IFT88: variants seen among roughly 807,000 people sequenced by gnomAD.
The protein encoded by IFT88 is intraflagellar transport protein 88 homolog.
Under a neutral mutation model 119.5 loss-of-function variants are expected in IFT88, and 74 were observed. That is an observed-to-expected ratio of 0.62 (90% CI 0.51 to 0.75). IFT88 has a LOEUF of 0.75. Ranked by LOEUF, IFT88 falls within the 30% of genes least tolerant of loss-of-function variation. IFT88 has a pLI of 0.00. For missense variants in IFT88, 961 were observed against 977.7 expected (o/e 0.98, Z 0.23); for synonymous variants, 279 against 316.7 (o/e 0.88, Z 1.26).
At chr13:20,618,022 G>C (rs1012348155) in intron 14 of IFT88, among the ~76,000 whole-genome samples, 1 of 152,186 alleles carries the variant, frequency 6.6e-6, no homozygotes, top group Non-Finnish European at 1.5e-5. Flanking sequence ...CTGACCTCAA[G>C]TGATCTGTCC....
chr13:20,595,398 T>C (rs1258898156), intron 7 of IFT88, among the ~76,000 whole-genome samples: 1 of 152,026 alleles, frequency 6.6e-6, no homozygotes, highest in East Asian at 1.9e-4. Flanking sequence ...AGCAATATTC[T>C]CCTGCCTCAG....
intron 24 of IFT88, among the ~76,000 whole-genome samples, chr13:20,678,841 T>G (rs1308935030): frequency 1.3e-5 from 2 of 152,096 alleles, no homozygotes; most frequent in African/African-American, 4.8e-5. Flanking sequence ...CTCGCAAGAT[T>G]TGGGATCTGC....
intron 13 of IFT88, chr13:20,607,523 C>A: frequency 2.9e-6 from 2 of 694,848 alleles, no homozygotes; most frequent in South Asian, 1.5e-5. Context: ...GGGAGGCCGC[C>A]ACGCTGTGCT....
chr13:20,599,555 A>T lies in IFT88; in HGVS notation c.802A>T (p.Lys268Ter). 7.0e-7 allele frequency: 1 copy of T among 1,435,752 alleles called. No homozygotes were observed. Among genetic ancestry groups the T allele is most frequent in the Non-Finnish European group, 9.7e-7 (1 of 1,034,568 alleles). The allele number at this position is 1,435,752 out of a possible 1,614,324, so 88.9% of individuals were successfully genotyped here. A position where few individuals can be genotyped will look rare whatever the true frequency, so the allele number is the denominator to read the frequency against. ...ATTAGACCAAGTTCCAAGTGTCAAT[A>T]AGCAAATGAGGTAAGTTTATAACAA... is the stretch of plus-strand genomic sequence containing the variant. Reference protein sequence around the residue: ...MALDQVPSVNKQMRIKIMQNI... With the variant: ...MALDQVPSVN The change falls in exon 11 of 26, where the codon AAG (lysine) becomes TAG (stop). Residue 268 changes from lysine (K) to a stop codon, truncating the protein, a stop_gained. Transcript: ENST00000351808. LOFTEE classifies it high-confidence loss of function.
At chr13:20,683,656 C>T (rs77732143) in intron 24 of IFT88, among the ~76,000 whole-genome samples, 6,547 of 152,262 alleles carry the variant, frequency 0.043, 185 homozygotes, top group Middle Eastern at 0.075. Context: ...AATGTCCGCT[C>T]CTGTATCTAC....
At chr13:20,619,144 A>C (rs2046115245) in intron 14 of IFT88, among the ~76,000 whole-genome samples, 1 of 151,996 alleles carries the variant, frequency 6.6e-6, no homozygotes, top group South Asian at 2.1e-4. Flanking sequence ...ATTATTTTTA[A>C]CCTTTTTTCT....
intron 24 of IFT88, among the ~76,000 whole-genome samples, chr13:20,675,830 T>A (rs1027255745): frequency 6.6e-6 from 1 of 152,252 alleles, no homozygotes; most frequent in Non-Finnish European, 1.5e-5. Context: ...TTTTAAAATG[T>A]ACAAATCATT....
intron 23 of IFT88, among the ~76,000 whole-genome samples, chr13:20,664,295 A>G (rs935935495): frequency 2.6e-5 from 4 of 152,234 alleles, no homozygotes; most frequent in Non-Finnish European, 5.9e-5. Context: ...ATGATTTTTC[A>G]GAGAAACTAG....
At chr13:20,666,170 G>A (rs1227968638) in intron 23 of IFT88, among the ~76,000 whole-genome samples, 1 of 152,180 alleles carries the variant, frequency 6.6e-6, no homozygotes, top group Non-Finnish European at 1.5e-5. Context: ...GGTCAACCGT[G>A]TGATCTGGAA....
chr13:20,593,444 T>G (rs959725053), intron 7 of IFT88, among the ~76,000 whole-genome samples: 1 of 151,806 alleles, frequency 6.6e-6, no homozygotes, highest in Admixed American at 6.6e-5. Context: ...TTCCAGAGCT[T>G]GGGCTCTGGA....
chr13:20,594,676 C>G lies in IFT88; in HGVS notation c.399-1474C>G, dbSNP rs550892623. ...ATCTGTAAGCAACATTTAAGACATA[C>G]ATTCAAGTGTTTCAGACAACTAGAA... On this transcript the variant is annotated intron_variant, in intron 7 of 25. Transcript: ENST00000351808. Among the ~76,000 whole-genome samples the G allele has an allele frequency of 8.2e-4, 125 of 152,260 alleles. 1 individual carries two copies. The highest frequency in any genetic ancestry group is 3.0e-3 in the African/African-American group (123 of 41,546).
chr13:20,643,671 C>G, intron 19 of IFT88, 66 bp downstream of exon 19: 1 of 1,113,802 alleles, frequency 9.0e-7, no homozygotes, highest in Admixed American at 2.4e-5. Context: ...AAGAAGGCAG[C>G]AAGGCTTTAA....
intron 16 of IFT88, among the ~76,000 whole-genome samples, chr13:20,634,896 C>T (rs2048782355): frequency 6.6e-6 from 1 of 151,658 alleles, no homozygotes; most frequent in Non-Finnish European, 1.5e-5. Flanking sequence ...TGTGCTGCAC[C>T]TGTTAACTCT....
chr13:20,578,245 C>T (rs2037839019), intron 2 of IFT88, among the ~76,000 whole-genome samples: 1 of 150,850 alleles, frequency 6.6e-6, no homozygotes, highest in South Asian at 2.1e-4. Context: ...GACAGAGTTT[C>T]ACCGTGTTAG....
chr13:20,667,694 G>GGCCTC (rs554774530), intron 23 of IFT88, among the ~76,000 whole-genome samples: 3,920 of 151,040 alleles, frequency 0.026, 163 homozygotes, highest in African/African-American at 0.089. Flanking sequence ...CGCCCACCTC[G>GGCCTC]GCCTCCCAAA....
chr13:20,600,505 A>G (rs2042414789), intron 11 of IFT88, among the ~76,000 whole-genome samples: 1 of 152,154 alleles, frequency 6.6e-6, no homozygotes, highest in Non-Finnish European at 1.5e-5. Flanking sequence ...AGTCTTTATG[A>G]TCTGATCAGA....
In IFT88 at chr13:20,639,786, CTTTTTTTT is replaced by C. The variant is rs34190452; in HGVS notation, c.1573+1281_1573+1288del. Among the ~76,000 whole-genome samples the C allele has an allele frequency of 7.3e-4, 80 of 109,456 alleles. 1 individual carries two copies. The South Asian group carries it at 0.024, about 32-fold the overall frequency. 71.8% of individuals were successfully genotyped at this position (109,456 alleles called of 152,430 possible). On this transcript the variant is annotated intron_variant, in intron 17 of 25. Transcript: ENST00000351808. ...TTATTATTGATATAGTAAAATTTGT[CTTTTTTTT>C]TTTTTTTTTTTTGAGACTGAGTCTT...
At chr13:20,614,635 T>C (rs372170789) in intron 13 of IFT88, among the ~76,000 whole-genome samples, 2 of 152,124 alleles carry the variant, frequency 1.3e-5, no homozygotes, top group African/African-American at 4.8e-5. Flanking sequence ...TTGACTGTTA[T>C]CAATGACAGT....
intron 13 of IFT88, among the ~76,000 whole-genome samples, chr13:20,612,803 G>A (rs781749663): frequency 1.3e-5 from 2 of 152,160 alleles, no homozygotes; most frequent in Non-Finnish European, 2.9e-5. Flanking sequence ...AAACTCTTAC[G>A]TTTATAGCCA....
Sources: allele counts gnomAD v4.1 joint callset (sites outside exome capture counted in the v4.1 genomes callset), GRCh38; gene constraint gnomAD v4.1.1; transcripts MANE v1.5; gene names NCBI Gene and HGNC (gene_info 2026-07-23, HGNC 2026-07-21).